RAB7A: variants seen among roughly 807,000 people sequenced by gnomAD.
RAB7A encodes the protein ras-related protein Rab-7a.
Under a neutral mutation model 24.5 loss-of-function variants are expected in RAB7A, and 2 were observed. That is an observed-to-expected ratio of 0.08 (90% CI 0.03 to 0.26). RAB7A has a LOEUF of 0.26. RAB7A is among the 10% of genes least tolerant of loss of function. RAB7A has a pLI of 1.00. For missense variants in RAB7A, 118 were observed against 255.7 expected, an observed-to-expected ratio of 0.46 and a Z score of 3.67; for synonymous variants, 100 against 95.9, an observed-to-expected ratio of 1.04 and a Z score of -0.25.
intron 1 of RAB7A, among the ~76,000 whole-genome samples, chr3:128,739,606 T>G (rs183162470): frequency 6.6e-6 from 1 of 152,330 alleles, no homozygotes; most frequent in East Asian, 1.9e-4. Flanking sequence ...TTTATAAAAT[T>G]TAAATGAGAT....
intron 1 of RAB7A, among the ~76,000 whole-genome samples, chr3:128,775,605 A>C (rs541863471): frequency 2.6e-3 from 392 of 152,308 alleles, no homozygotes; most frequent in African/African-American, 9.0e-3. Context: ...TGGAGCATTA[A>C]AAAATTCCAA....
At chr3:128,737,747 T>A (rs996131160) in intron 1 of RAB7A, among the ~76,000 whole-genome samples, 2 of 149,826 alleles carry the variant, frequency 1.3e-5, no homozygotes, top group African/African-American at 4.9e-5. Flanking sequence ...TCCCCAGGCT[T>A]AGGTGATCCT....
intron 5 of RAB7A, among the ~76,000 whole-genome samples, chr3:128,809,933 AGTCT>A (rs1933885824): frequency 1.7e-4 from 9 of 54,096 alleles, no homozygotes; most frequent in Admixed American, 6.2e-4. Flanking sequence ...CTCTTGCCAC[AGTCT>A]TTTTTTTTTT....
At chr3:128,731,914 A>G (rs748790688) in intron 1 of RAB7A, among the ~76,000 whole-genome samples, 2 of 151,112 alleles carry the variant, frequency 1.3e-5, no homozygotes, top group Non-Finnish European at 3.0e-5. Context: ...CTGAGGTAGT[A>G]GAATCGCTTG....
At chr3:128,804,869 CGAT>C (rs2107615067) in intron 3 of RAB7A, among the ~76,000 whole-genome samples, 1 of 152,256 alleles carries the variant, frequency 6.6e-6, no homozygotes, top group African/African-American at 2.4e-5. Flanking sequence ...AAATAGGAAT[CGAT>C]GGTTCACTAA....
At position 128,813,198 on chromosome 3, in the gene RAB7A, C is replaced by T. The variant is rs910585514; in HGVS notation, c.529-129C>T. ...GCTCCCTTAACTGTGTGGGCAGGCT[C>T]TGCTTCACAGCTCCCCGCCCACTCT... On this transcript the variant is annotated intron_variant, in intron 5 of 5. Transcript: ENST00000265062. 9 of 876,300 alleles carry T rather than the reference C, an allele frequency of 1.0e-5. No homozygotes were observed. In the African/African-American group the frequency reaches 1.3e-4, roughly 13 times the overall value. The allele number at this position is 876,300 out of a possible 1,614,324, so 54.3% of individuals were successfully genotyped here. A position where few individuals can be genotyped will look rare whatever the true frequency, so the allele number is the denominator to read the frequency against.
intron 1 of RAB7A, among the ~76,000 whole-genome samples, chr3:128,727,656 C>T (rs1268813197): frequency 6.6e-6 from 1 of 152,230 alleles, no homozygotes; most frequent in Non-Finnish European, 1.5e-5. Flanking sequence ...ACCTTTCTTA[C>T]AACCTTAGTT....
intron 1 of RAB7A, among the ~76,000 whole-genome samples, chr3:128,735,604 G>T (rs1053544693): frequency 8.5e-5 from 13 of 152,336 alleles, no homozygotes; most frequent in African/African-American, 3.1e-4. Flanking sequence ...TCAGAGAGTT[G>T]CTTCTTCAGA....
At chr3:128,757,516 TA>T (rs2070740027) in intron 1 of RAB7A, among the ~76,000 whole-genome samples, 1 of 150,718 alleles carries the variant, frequency 6.6e-6, no homozygotes, top group African/African-American at 2.5e-5. Flanking sequence ...TTATTTATTT[TA>T]AAAACAATTT....
At chr3:128,763,481 T>C (rs2070794777) in intron 1 of RAB7A, among the ~76,000 whole-genome samples, 1 of 152,116 alleles carries the variant, frequency 6.6e-6, no homozygotes, top group Non-Finnish European at 1.5e-5. Context: ...CCTCCCAAAG[T>C]GCTGGGATTA....
At chr3:128,741,082 A>C (rs946054607) in intron 1 of RAB7A, among the ~76,000 whole-genome samples, 3 of 151,826 alleles carry the variant, frequency 2.0e-5, no homozygotes, top group Non-Finnish European at 2.9e-5. Flanking sequence ...ATTTTTTTTA[A>C]CTTTCACTTT....
chr3:128,791,955 G>A (rs773098251), intron 1 of RAB7A, among the ~76,000 whole-genome samples: 6 of 152,124 alleles, frequency 3.9e-5, no homozygotes, highest in South Asian at 2.1e-4. Flanking sequence ...ATAATCTTAC[G>A]AGTCAGAATC....
chr3:128,772,692 G>A (rs929856417), intron 1 of RAB7A, among the ~76,000 whole-genome samples: 1 of 152,256 alleles, frequency 6.6e-6, no homozygotes, highest in Non-Finnish European at 1.5e-5. Flanking sequence ...CCTAGTATCT[G>A]ATTTGGAAGA....
At chr3:128,739,469 C>T (rs985699773) in intron 1 of RAB7A, among the ~76,000 whole-genome samples, 4 of 150,210 alleles carry the variant, frequency 2.7e-5, no homozygotes, top group African/African-American at 7.4e-5. Flanking sequence ...GCCAAGATCG[C>T]GCCACTGCAC....
intron 1 of RAB7A, among the ~76,000 whole-genome samples, chr3:128,752,687 A>G (rs551403319): frequency 2.6e-3 from 388 of 151,534 alleles, no homozygotes; most frequent in African/African-American, 9.0e-3. Context: ...AGTTGTAGCT[A>G]GGAATAATCC....
chr3:128,770,845 T>A (rs1275061922), intron 1 of RAB7A, among the ~76,000 whole-genome samples: 1 of 152,180 alleles, frequency 6.6e-6, no homozygotes, highest in Non-Finnish European at 1.5e-5. Flanking sequence ...ATTTTTTTTT[T>A]AACATAAAGC....
rs576160503 is a variant in RAB7A, at chr3:128,768,037, C to T, written c.-8-27323C>T. On this transcript the variant is annotated intron_variant, in intron 1 of 5. Transcript: ENST00000265062. ...GTCAAGAGAATGAACAAATCCATTA[C>T]CCTGAAGTATCCCAGTATTTCTTCG... Among the ~76,000 whole-genome samples, 8 of 152,176 alleles carry T rather than the reference C, an allele frequency of 5.3e-5. No individual in the cohort carries two copies. The South Asian group carries it at 1.7e-3, about 32-fold the overall frequency.
chr3:128,755,848 A>G (rs1346184251), intron 1 of RAB7A, among the ~76,000 whole-genome samples: 1 of 152,136 alleles, frequency 6.6e-6, no homozygotes, highest in Non-Finnish European at 1.5e-5. Context: ...TACATGTGCC[A>G]TGCTGGTGTG....
chr3:128,750,875 G>A (rs2070674681), intron 1 of RAB7A, among the ~76,000 whole-genome samples: 1 of 152,188 alleles, frequency 6.6e-6, no homozygotes, highest in Non-Finnish European at 1.5e-5. Flanking sequence ...TAGGGTCCCC[G>A]TGGTTTGTGC....
Sources: allele counts gnomAD v4.1 joint callset (sites outside exome capture counted in the v4.1 genomes callset), GRCh38; gene constraint gnomAD v4.1.1; transcripts MANE v1.5; gene names NCBI Gene and HGNC (gene_info 2026-07-23, HGNC 2026-07-21).